Variants in MKLN1 observed in about 807,000 individuals in gnomAD.
MKLN1 encodes the protein muskelin 1, also known as muskelin.
In MKLN1, 18 loss-of-function variants were observed where a neutral mutation model predicts 99.0. The observed-to-expected ratio is 0.18, with a 90% CI of 0.13 to 0.27. The LOEUF (loss-of-function observed/expected upper bound fraction) is 0.27, where lower values mean the gene tolerates loss of function less well. Ranked by LOEUF, MKLN1 falls within the 10% of genes least tolerant of loss-of-function variation. MKLN1 has a pLI of 1.00. For missense variants in MKLN1, 621 were observed against 875.9 expected (o/e 0.71, Z 3.67); for synonymous variants, 288 against 293.2 (o/e 0.98, Z 0.18).
chr7:131,308,269 T>G (rs577812446), intron 3 of MKLN1, among the ~76,000 whole-genome samples: 1 of 151,704 alleles, frequency 6.6e-6, no homozygotes, highest in South Asian at 2.1e-4. Context: ...TAGTTTTTTT[T>G]TTTTTTTTTT....
chr7:131,169,330 C>T (rs1796182978), intron 2 of MKLN1, among the ~76,000 whole-genome samples: 1 of 152,216 alleles, frequency 6.6e-6, no homozygotes, highest in Non-Finnish European at 1.5e-5. Flanking sequence ...ATCTGAAACT[C>T]GTAATCAATT....
intron 1 of MKLN1, among the ~76,000 whole-genome samples, chr7:131,126,025 T>TATAA (rs1053168418): frequency 6.1e-5 from 2 of 32,572 alleles, no homozygotes; most frequent in African/African-American, 2.5e-4. Flanking sequence ...AAAAGATAAA[T>TATAA]ATAAATAAAT....
chr7:131,157,264 A>C (rs1294459557), intron 2 of MKLN1, among the ~76,000 whole-genome samples: 2 of 152,148 alleles, frequency 1.3e-5, no homozygotes, highest in South Asian at 2.1e-4. Context: ...TGGGTGTGGC[A>C]GTGTGTGCCT....
chr7:131,488,442 T>C lies in MKLN1; in HGVS notation c.*714T>C, dbSNP rs1797343935. 1 of 152,560 alleles carries C rather than the reference T, an allele frequency of 6.6e-6. No homozygotes were observed. Among genetic ancestry groups the C allele is most frequent in the South Asian group, 2.1e-4 (1 of 4,832 alleles). 9.5% of individuals were successfully genotyped at this position (152,560 alleles called of 1,614,324 possible). ...AATATTTCTATAATGATATATTTTA[T>C]AGTAGATATTACAATAGCATCTGAC... On this transcript the variant is annotated 3_prime_UTR_variant, in exon 18 of 18. Coordinates refer to ENST00000352689, the MANE Select transcript of MKLN1 (RefSeq NM_013255.5).
At chr7:131,450,942 G>A (rs1049714055) in intron 12 of MKLN1, among the ~76,000 whole-genome samples, 1 of 152,124 alleles carries the variant, frequency 6.6e-6, no homozygotes, top group African/African-American at 2.4e-5. Flanking sequence ...TTCTTAAAGA[G>A]CATTCAGTGG....
intron 10 of MKLN1, among the ~76,000 whole-genome samples, chr7:131,441,289 T>C (rs1187255361): frequency 6.6e-6 from 1 of 152,170 alleles, no homozygotes; most frequent in Non-Finnish European, 1.5e-5. Flanking sequence ...GAAGCCTTTA[T>C]AGCAATATCT....
chr7:131,438,521 A>G (rs1032739188), intron 10 of MKLN1, among the ~76,000 whole-genome samples: 2 of 150,196 alleles, frequency 1.3e-5, no homozygotes, highest in African/African-American at 4.9e-5. Flanking sequence ...ATAATGTTGT[A>G]GACTAGAAGA....
At chr7:131,322,664 G>A (rs982735958) in intron 3 of MKLN1, among the ~76,000 whole-genome samples, 8 of 149,398 alleles carry the variant, frequency 5.4e-5, no homozygotes, top group African/African-American at 2.0e-4. Context: ...TCCGCTTCCC[G>A]GGTTCACGCC....
intron 3 of MKLN1, among the ~76,000 whole-genome samples, chr7:131,291,580 TTATATATA>T (rs34732483): frequency 2.1e-5 from 3 of 145,180 alleles, no homozygotes; most frequent in Admixed American, 6.9e-5. Context: ...CTTTCATTTA[TTATATATA>T]TATATATATA....
At chr7:131,137,058 GC>G (rs918769372) in intron 1 of MKLN1, among the ~76,000 whole-genome samples, 46 of 152,234 alleles carry the variant, frequency 3.0e-4, no homozygotes, top group African/African-American at 1.1e-3. Context: ...TCCCTGTGTT[GC>G]CCAGGCTGGT....
intron 1 of MKLN1, among the ~76,000 whole-genome samples, chr7:131,355,628 C>CTATATATACATATATATATATA: frequency 7.3e-6 from 1 of 136,922 alleles, no homozygotes; most frequent in East Asian, 2.1e-4. Flanking sequence ...TAACTTGATA[C>CTATATATACATATATATATATA]TATATATATA....
chr7:131,131,935 A>AGG (rs1032220051), intron 1 of MKLN1, among the ~76,000 whole-genome samples: 2 of 152,226 alleles, frequency 1.3e-5, no homozygotes, highest in Non-Finnish European at 2.9e-5. Flanking sequence ...ACTGATAAGC[A>AGG]GGTTGAGACT....
chr7:131,250,174 C>T (rs897620540), intron 3 of MKLN1, among the ~76,000 whole-genome samples: 3 of 152,142 alleles, frequency 2.0e-5, no homozygotes, highest in Admixed American at 2.0e-4. Flanking sequence ...CAGCCACAGG[C>T]GAGTCCTGAA....
chr7:131,221,691 T>C (rs2116453761), intron 3 of MKLN1, among the ~76,000 whole-genome samples: 1 of 149,516 alleles, frequency 6.7e-6, no homozygotes, highest in East Asian at 2.0e-4. Flanking sequence ...TTTTTTTTTT[T>C]TGTATTTTTA....
chr7:131,243,077 G>A, intron 3 of MKLN1: 1 of 495,292 alleles, frequency 2.0e-6, no homozygotes. Context: ...CTTTTCCACA[G>A]CCATGGTACC....
In MKLN1 at chr7:131,491,966, A is replaced by C. The variant is rs771249945; in HGVS notation, c.*4238A>C. On this transcript the variant is annotated 3_prime_UTR_variant, in exon 18 of 18. Transcript: ENST00000352689. ...CTGGGGCAAATGCTCTATTATCCTT[A>C]TTTATGACAAGAGAATAATGAAATT... The C allele has an allele frequency of 2.0e-5, 3 of 152,472 alleles. No homozygotes were observed. The highest frequency in any genetic ancestry group is 4.4e-5 in the Non-Finnish European group (3 of 68,022). 9.4% of individuals were successfully genotyped at this position (152,472 alleles called of 1,614,324 possible).
At chr7:131,345,818 C>T (rs59998301) in intron 1 of MKLN1, among the ~76,000 whole-genome samples, 90 of 152,258 alleles carry the variant, frequency 5.9e-4, no homozygotes, top group East Asian at 5.8e-3. Flanking sequence ...TGAAAGTACA[C>T]GTGTCTTTGA....
intron 3 of MKLN1, among the ~76,000 whole-genome samples, chr7:131,292,098 C>T (rs1208085579): frequency 6.6e-6 from 1 of 152,104 alleles, no homozygotes; most frequent in Non-Finnish European, 1.5e-5. Context: ...CAGAGCCAGG[C>T]CCTGTCTCTA....
rs144820222 is a variant in MKLN1, at chr7:131,342,187, C to A, written c.98+14190C>A. Reference sequence around the variant, plus strand: ...TTTTTTTTCTGTTATTATGTAGTGTCAAGAAACCGTTTAATGCATATGAAT... The same window carrying A: ...TTTTTTTTCTGTTATTATGTAGTGTAAAGAAACCGTTTAATGCATATGAAT... On this transcript the variant is annotated intron_variant, in intron 1 of 17. Transcript: ENST00000352689. Among the ~76,000 whole-genome samples the A allele has an allele frequency of 5.1e-4, 77 of 150,996 alleles. No individual in the cohort carries two copies. The South Asian group carries it at 5.8e-3, about 11-fold the overall frequency.
Sources: allele counts gnomAD v4.1 joint callset (sites outside exome capture counted in the v4.1 genomes callset), GRCh38; gene constraint gnomAD v4.1.1; transcripts MANE v1.5; gene names NCBI Gene and HGNC (gene_info 2026-07-23, HGNC 2026-07-21).